The following ATF7IP2 variants were observed in gnomAD, a reference collection of about 807,000 sequenced individuals.
ATF7IP2 encodes the protein activating transcription factor 7 interacting protein 2.
Under a neutral mutation model 64.2 loss-of-function variants are expected in ATF7IP2, and 42 were observed. The ratio of observed to expected loss-of-function variants is 0.65; its 90% CI spans 0.51 to 0.85. The LOEUF (loss-of-function observed/expected upper bound fraction) is 0.85. Ranked by LOEUF, ATF7IP2 falls within the 40% of genes least tolerant of loss-of-function variation. ATF7IP2 has a pLI of 0.00. For synonymous variants in ATF7IP2, 308 were observed against 272.8 expected (o/e 1.13, Z -1.27); for missense variants, 933 against 784.2 (o/e 1.19, Z -2.27).
rs370321463 is a variant in ATF7IP2 at position 10,438,210 on chromosome 16, A to C, written c.1070A>C (p.His357Pro). Reference protein sequence around the residue: ...RIGKTECRNKHEGIADKLLAK... With the variant: ...RIGKTECRNKPEGIADKLLAK... Reference sequence around the variant, plus strand: ...GGGAAGACAGAGTGCAGAAATAAGCATGAAGGAATAGCTGATAAACTTTTG... The same window carrying C: ...GGGAAGACAGAGTGCAGAAATAAGCCTGAAGGAATAGCTGATAAACTTTTG... The change falls in exon 7 of 14, where the codon CAT (histidine) becomes CCT (proline). Residue 357 changes from histidine to proline, a missense_variant. Physicochemically the swap from His to Pro is moderately conservative, Grantham distance 77. Coordinates refer to ENST00000562102, the MANE Select transcript of ATF7IP2 (RefSeq NM_001393719.1). 1.2e-6 allele frequency: 2 copies of C among 1,601,138 alleles called. No homozygotes were observed. The highest frequency in any genetic ancestry group is 8.5e-7 in the Non-Finnish European group (1 of 1,175,502).
chr16:10,400,604 T>G (rs1236901426), intron 1 of ATF7IP2, among the ~76,000 whole-genome samples: 2 of 152,224 alleles, frequency 1.3e-5, no homozygotes, highest in Non-Finnish European at 2.9e-5. Context: ...TTTCTTGATT[T>G]AGTATGATTT....
chr16:10,390,864 A>C (rs1431125939), intron 1 of ATF7IP2, among the ~76,000 whole-genome samples: 1 of 152,212 alleles, frequency 6.6e-6, no homozygotes, highest in Non-Finnish European at 1.5e-5. Context: ...AAGCAAACGC[A>C]AAGAAAGCAG....
At chr16:10,440,334 A>C (rs757946523) in intron 7 of ATF7IP2, 30 bp from the exon 8 acceptor site, 1 of 1,166,776 alleles carries the variant, frequency 8.6e-7, no homozygotes, top group South Asian at 1.4e-5. Context: ...ACTCTGGCTT[A>C]GTATTTATTT....
chr16:10,463,572 G>A (rs944322361), intron 9 of ATF7IP2, among the ~76,000 whole-genome samples: 13 of 152,102 alleles, frequency 8.5e-5, no homozygotes, highest in East Asian at 1.9e-4. Flanking sequence ...TGAACAAGCC[G>A]TTTTAGGCTC....
At chr16:10,407,411 A>G (rs1488807370) in intron 1 of ATF7IP2, among the ~76,000 whole-genome samples, 1 of 152,232 alleles carries the variant, frequency 6.6e-6, no homozygotes. Context: ...AATAAGGGGC[A>G]TGCAAATTGG....
rs1596564104 is a variant in ATF7IP2, at chr16:10,456,173, C to T, written c.1195-1199C>T. 2.0e-5 allele frequency among the ~76,000 whole-genome samples: 3 copies of T among 151,812 alleles called. No individual in the cohort carries two copies. In the East Asian group the frequency reaches 5.8e-4, roughly 29 times the overall value. ...TGTTGAAGGTTTGGCCTGATTTCCTCTTGCTTCTTTTCACAATGTGAGAAA... is the reference window on the plus strand; with the variant it reads ...TGTTGAAGGTTTGGCCTGATTTCCTTTTGCTTCTTTTCACAATGTGAGAAA... On this transcript the variant is annotated intron_variant, in intron 8 of 13. Transcript: ENST00000562102.
At chr16:10,461,730 G>C (rs1326039371) in intron 9 of ATF7IP2, among the ~76,000 whole-genome samples, 1 of 152,146 alleles carries the variant, frequency 6.6e-6, no homozygotes, top group Non-Finnish European at 1.5e-5. Context: ...TGGTGAGGAA[G>C]TTTATGATAT....
At chr16:10,468,729 A>G (rs1390785775) in intron 9 of ATF7IP2, among the ~76,000 whole-genome samples, 1 of 152,238 alleles carries the variant, frequency 6.6e-6, no homozygotes, top group African/African-American at 2.4e-5. Flanking sequence ...TATGCAAAGG[A>G]TGAAACTACG....
intron 3 of ATF7IP2, among the ~76,000 whole-genome samples, chr16:10,419,877 T>G (rs1266968399): frequency 6.6e-6 from 1 of 152,238 alleles, no homozygotes; most frequent in Non-Finnish European, 1.5e-5. Flanking sequence ...ATTGCATCTC[T>G]CCACCAAACC....
At chr16:10,448,377 C>T (rs2048879525) in intron 8 of ATF7IP2, 1 of 152,186 alleles carries the variant, frequency 6.6e-6, no homozygotes, top group Admixed American at 6.5e-5. Context: ...TGGCCATTTT[C>T]ACAGTATTGA....
intron 6 of ATF7IP2, among the ~76,000 whole-genome samples, chr16:10,435,756 T>G (rs1023197857): frequency 2.0e-4 from 30 of 152,208 alleles, no homozygotes; most frequent in African/African-American, 7.2e-4. Context: ...CTGATAAAAA[T>G]CATTTGTAGT....
intron 9 of ATF7IP2, among the ~76,000 whole-genome samples, chr16:10,469,959 A>G (rs1319530991): frequency 6.6e-6 from 1 of 152,148 alleles, no homozygotes; most frequent in Non-Finnish European, 1.5e-5. Flanking sequence ...GTGTAGGGGA[A>G]AAACAGACTT....
At chr16:10,411,973 T>A (rs1455025593) in intron 1 of ATF7IP2, among the ~76,000 whole-genome samples, 1 of 149,426 alleles carries the variant, frequency 6.7e-6, no homozygotes, top group African/African-American at 2.5e-5. Context: ...ATTAACCTTT[T>A]CAAAGACCCA....
intron 2 of ATF7IP2, among the ~76,000 whole-genome samples, chr16:10,416,216 A>C (rs1011156150): frequency 6.6e-6 from 1 of 152,240 alleles, no homozygotes; most frequent in Admixed American, 6.5e-5. Context: ...TCATCAGCAG[A>C]TAAATGGATA....
At chr16:10,449,397 T>A (rs747141873) in intron 8 of ATF7IP2, 3 of 152,210 alleles carry the variant, frequency 2.0e-5, no homozygotes, top group Non-Finnish European at 2.9e-5. Context: ...CAGCTCCTCT[T>A]TGTACCTCTG....
At chr16:10,413,441 T>A (rs1349514809) in intron 1 of ATF7IP2, among the ~76,000 whole-genome samples, 2 of 152,218 alleles carry the variant, frequency 1.3e-5, no homozygotes, top group African/African-American at 4.8e-5. Flanking sequence ...CCCAGCCATG[T>A]GGAACTGTAA....
chr16:10,420,312 C>G (rs1395470023), intron 3 of ATF7IP2, among the ~76,000 whole-genome samples: 3 of 152,178 alleles, frequency 2.0e-5, no homozygotes, highest in African/African-American at 4.8e-5. Flanking sequence ...GAAAAGGTAT[C>G]TACACATACA....
intron 8 of ATF7IP2, chr16:10,445,289 T>G (rs867488117): frequency 6.6e-6 from 1 of 152,174 alleles, no homozygotes; most frequent in African/African-American, 2.4e-5. Flanking sequence ...AGCCCCTGTT[T>G]TTATTAATTT....
intron 3 of ATF7IP2, among the ~76,000 whole-genome samples, chr16:10,424,756 G>A (rs75915401): frequency 0.06 from 9,068 of 152,182 alleles, 332 homozygotes; most frequent in Admixed American, 0.096. Flanking sequence ...ATCATTAGCC[G>A]TCAGGTAAAT....
Sources: allele counts gnomAD v4.1 joint callset (sites outside exome capture counted in the v4.1 genomes callset), GRCh38; gene constraint gnomAD v4.1.1; transcripts MANE v1.5; gene names NCBI Gene and HGNC (gene_info 2026-07-23, HGNC 2026-07-21).